The following AKIRIN2 variants were observed in gnomAD, a reference collection of about 807,000 sequenced individuals.
AKIRIN2 encodes akirin-2.
Under a neutral mutation model 29.3 loss-of-function variants are expected in AKIRIN2, and 6 were observed. That is an observed-to-expected ratio of 0.20 (90% CI 0.11 to 0.40). AKIRIN2 has a LOEUF of 0.40. Ranked by LOEUF, AKIRIN2 falls within the 10% of genes least tolerant of loss-of-function variation. The pLI is 1.00. For missense variants in AKIRIN2, 210 were observed against 276.1 expected (o/e 0.76, Z 1.70); for synonymous variants, 128 against 117.5 (o/e 1.09, Z -0.58).
At chr6:87,688,443 T>TA (rs1335145529) in intron 1 of AKIRIN2, among the ~76,000 whole-genome samples, 2 of 148,898 alleles carry the variant, frequency 1.3e-5, no homozygotes, top group East Asian at 4.0e-4. Context: ...ACCGTGTCTT[T>TA]AAAAAAATAA....
chr6:87,692,758 C>T (rs1039410607), intron 1 of AKIRIN2, among the ~76,000 whole-genome samples: 5 of 152,106 alleles, frequency 3.3e-5, no homozygotes, highest in African/African-American at 1.2e-4. Context: ...TGCAGTGAGC[C>T]GAGATCGTGC....
intron 3 of AKIRIN2, among the ~76,000 whole-genome samples, chr6:87,676,810 C>T (rs1464235591): frequency 5.4e-5 from 8 of 147,298 alleles, no homozygotes; most frequent in Non-Finnish European, 1.2e-4. Context: ...GGCATGGTGG[C>T]TTACGCCTGT....
intron 1 of AKIRIN2, among the ~76,000 whole-genome samples, chr6:87,688,637 T>C (rs114576129): frequency 0.034 from 5,181 of 152,050 alleles, 291 homozygotes; most frequent in African/African-American, 0.12. Flanking sequence ...GTAATCCTAG[T>C]TATCCGGGAG....
chr6:87,676,447 C>CAAA (rs71021319), intron 3 of AKIRIN2, among the ~76,000 whole-genome samples: 542 of 39,562 alleles, frequency 0.014, 3 homozygotes, highest in Non-Finnish European at 0.018. Context: ...GCCTGGGCAA[C>CAAA]AAAAAAAAAA....
At chr6:87,699,303 A>G (rs898278013) in intron 1 of AKIRIN2, among the ~76,000 whole-genome samples, 1 of 152,226 alleles carries the variant, frequency 6.6e-6, no homozygotes, top group African/African-American at 2.4e-5. Context: ...ACCATACCCC[A>G]AATTGGCCAT....
At chr6:87,695,875 A>G (rs1403313183) in intron 1 of AKIRIN2, among the ~76,000 whole-genome samples, 1 of 143,448 alleles carries the variant, frequency 7.0e-6, no homozygotes, top group Non-Finnish European at 1.5e-5. Flanking sequence ...AGATCTATCA[A>G]AACACTTAGC....
In AKIRIN2 at chr6:87,676,388, C is replaced by T. The variant is rs555081979; in HGVS notation, c.530-457G>A. ...GGCTGAGGCAGGAGAATGGCGTGAA[C>T]CCAGGAGGTGGAGCTTGCAGTGAGC... On this transcript the variant is annotated intron_variant, in intron 3 of 4. Transcript: ENST00000257787. 4.8e-5 allele frequency among the ~76,000 whole-genome samples: 7 copies of T among 144,990 alleles called. No individual in the cohort carries two copies. In the East Asian group the frequency reaches 8.1e-4, roughly 17 times the overall value.
chr6:87,683,488 T>C (rs1017348496), intron 1 of AKIRIN2, among the ~76,000 whole-genome samples: 2 of 152,184 alleles, frequency 1.3e-5, no homozygotes, highest in Admixed American at 6.5e-5. Flanking sequence ...CATGAAACAG[T>C]TGTCTACTGA....
At chr6:87,684,551 CA>C (rs1454935321) in intron 1 of AKIRIN2, among the ~76,000 whole-genome samples, 1 of 152,210 alleles carries the variant, frequency 6.6e-6, no homozygotes, top group African/African-American at 2.4e-5. Flanking sequence ...ACCACTCCCC[CA>C]TACAGTCCAC....
At chr6:87,675,726 A>T (rs562710788) in intron 4 of AKIRIN2, 119 bp from the exon 5 acceptor site, 2 of 1,466,746 alleles carry the variant, frequency 1.4e-6, no homozygotes, top group African/African-American at 1.4e-5. Context: ...TTGCAAAGTT[A>T]TGCTGCCTAT....
intron 1 of AKIRIN2, among the ~76,000 whole-genome samples, chr6:87,696,964 C>A (rs1473767628): frequency 6.6e-6 from 1 of 151,858 alleles, no homozygotes; most frequent in Non-Finnish European, 1.5e-5. Context: ...TGAGATTGCG[C>A]CACTGCACTC....
At chr6:87,680,770 C>G (rs987882423) in intron 2 of AKIRIN2, among the ~76,000 whole-genome samples, 13 of 23,710 alleles carry the variant, frequency 5.5e-4, no homozygotes, top group South Asian at 2.1e-3. Flanking sequence ...CCCGCCCCCC[C>G]CCTTTTTTTT....
chr6:87,694,513 G>A (rs1771328457), intron 1 of AKIRIN2, among the ~76,000 whole-genome samples: 2 of 152,066 alleles, frequency 1.3e-5, no homozygotes, highest in Admixed American at 1.3e-4. Flanking sequence ...AGGTTCATAA[G>A]GGTTCGAACA....
chr6:87,693,262 A>G (rs1400642697), intron 1 of AKIRIN2, among the ~76,000 whole-genome samples: 4 of 151,976 alleles, frequency 2.6e-5, no homozygotes, highest in South Asian at 2.1e-4. Flanking sequence ...AAAATGAAGC[A>G]TAACTCTCAT....
intron 1 of AKIRIN2, chr6:87,700,666 TTG>T (rs1307121642): frequency 6.6e-6 from 1 of 152,460 alleles, no homozygotes; most frequent in Non-Finnish European, 1.5e-5. Context: ...CAAGGCTAGG[TTG>T]TTTTCCCCCA....
chr6:87,682,918 G>A (rs112500066), intron 1 of AKIRIN2, among the ~76,000 whole-genome samples: 1,866 of 152,152 alleles, frequency 0.012, 41 homozygotes, highest in African/African-American at 0.041. Context: ...TAGAGGGACC[G>A]TGTCTTTATG....
chr6:87,700,704 A>G (rs75438362), intron 1 of AKIRIN2: 4,777 of 153,092 alleles, frequency 0.031, 251 homozygotes, highest in African/African-American at 0.11. Flanking sequence ...CAAAAATAAA[A>G]CATTTCCAAA....
intron 2 of AKIRIN2, 87 bp downstream of exon 2, chr6:87,681,533 C>T (rs1771122727): frequency 3.1e-6 from 4 of 1,308,938 alleles, no homozygotes; most frequent in African/African-American, 3.0e-5. Context: ...AGAGGAGATA[C>T]AGTAGCTTAA....
chr6:87,677,091 A>C (rs1348086656), intron 3 of AKIRIN2, among the ~76,000 whole-genome samples: 1 of 151,958 alleles, frequency 6.6e-6, no homozygotes, highest in African/African-American at 2.4e-5. Context: ...AAAAAAAAAA[A>C]AAAAAATTAA....
Sources: gnomAD v4.1 joint callset for allele counts (sites outside exome capture counted in the v4.1 genomes callset) on GRCh38, gnomAD v4.1.1 for gene constraint, MANE v1.5 for transcripts, NCBI Gene and HGNC (gene_info 2026-07-23, HGNC 2026-07-21) for gene names.